The following DPF2 variants were observed in gnomAD, a reference collection of about 807,000 sequenced individuals.
The protein encoded by DPF2 is zinc finger protein ubi-d4.
Under a neutral mutation model 59.6 loss-of-function variants are expected in DPF2, and 10 were observed. That is an observed-to-expected ratio of 0.17 (90% CI 0.10 to 0.28). The LOEUF (loss-of-function observed/expected upper bound fraction) is 0.28, where lower values mean the gene tolerates loss of function less well. Ranked by LOEUF, DPF2 falls within the 10% of genes least tolerant of loss-of-function variation. The probability of loss-of-function intolerance (pLI) is 1.00; values close to 1 mark genes in which losing one functional copy is unlikely to be tolerated. For missense variants in DPF2, 315 were observed against 509.4 expected (o/e 0.62, Z 3.67); for synonymous variants, 189 against 190.6 (o/e 0.99, Z 0.07).
chr11:65,342,985 C>T (rs1206862288), intron 4 of DPF2, among the ~76,000 whole-genome samples: 4 of 132,306 alleles, frequency 3.0e-5, no homozygotes, highest in Non-Finnish European at 6.4e-5. Flanking sequence ...CAGAACGAGA[C>T]TCCATCTCAA....
chr11:65,344,143 G>A (rs928202982), intron 6 of DPF2, 74 bp downstream of exon 6: 1 of 1,501,364 alleles, frequency 6.7e-7, no homozygotes, highest in African/African-American at 1.4e-5. Flanking sequence ...GAGGAGGGAG[G>A]GTTGTGTTTT....
At chr11:65,337,496 T>TAGAGAGAGAGAGAG (rs1475373950) in intron 1 of DPF2, among the ~76,000 whole-genome samples, 1 of 57,220 alleles carries the variant, frequency 1.7e-5, no homozygotes, top group African/African-American at 7.0e-5. Context: ...TATATATATA[T>TAGAGAGAGAGAGAG]ATATATATAG....
At chr11:65,345,342 C>T (rs560211916) in intron 6 of DPF2, 4 of 292,886 alleles carry the variant, frequency 1.4e-5, no homozygotes, top group East Asian at 6.4e-5. Flanking sequence ...TGACCTGGAG[C>T]GTCCCAGACT....
intron 1 of DPF2, among the ~76,000 whole-genome samples, chr11:65,335,330 G>A (rs1339445260): frequency 6.6e-6 from 1 of 152,102 alleles, no homozygotes; most frequent in Non-Finnish European, 1.5e-5. Context: ...ATTGTAAGGG[G>A]ATGTTTTACA....
At chr11:65,334,908 C>G (rs1032018228) in intron 1 of DPF2, among the ~76,000 whole-genome samples, 9 of 152,122 alleles carry the variant, frequency 5.9e-5, no homozygotes, top group Non-Finnish European at 1.0e-4. Flanking sequence ...GGTTCGGTAA[C>G]TCTTCTAAGG....
At chr11:65,336,866 G>A (rs545982523) in intron 1 of DPF2, among the ~76,000 whole-genome samples, 76 of 142,560 alleles carry the variant, frequency 5.3e-4, no homozygotes, top group Middle Eastern at 4.5e-3. Context: ...TGAGGCGGGC[G>A]GATCACAAGG....
intron 6 of DPF2, 129 bp downstream of exon 6, chr11:65,344,198 G>A (rs1244556604): frequency 1.1e-6 from 1 of 932,590 alleles, no homozygotes; most frequent in East Asian, 2.6e-5. Context: ...CCTGCCTGCT[G>A]ACTGCTTCCG....
chr11:65,341,603 A>G, intron 4 of DPF2, 41 bp downstream of exon 4: 1 of 1,608,272 alleles, frequency 6.2e-7, no homozygotes, highest in Middle Eastern at 1.7e-4. Context: ...TTTGATGGAA[A>G]TCAGCCTCCT....
At position 65,341,442 on chromosome 11, in the gene DPF2, T is replaced by C; in HGVS notation, c.345T>C (p.Asp115=). 2 of 1,614,242 alleles carry C rather than the reference T, an allele frequency of 1.2e-6. No individual in the cohort carries two copies. Among genetic ancestry groups the C allele is most frequent in the South Asian group, 2.2e-5 (2 of 91,086 alleles). Residue 115 remains aspartate (D), a synonymous_variant, in exon 4 of 11, where the codon GAT becomes GAC. Coordinates refer to ENST00000528416, the MANE Select transcript of DPF2 (RefSeq NM_006268.5). The part of the protein sequence containing the change: ...TLKKEGLISQ[D]GSSLEALLRT... ...AGAAGGAGGGGCTGATCTCTCAGGATGGCAGTAGTTTAGAGGCTCTGTTGC... is the reference window on the plus strand; with the variant it reads ...AGAAGGAGGGGCTGATCTCTCAGGACGGCAGTAGTTTAGAGGCTCTGTTGC...
At chr11:65,339,143 C>T (rs1322644367) in intron 1 of DPF2, among the ~76,000 whole-genome samples, 5 of 151,964 alleles carry the variant, frequency 3.3e-5, no homozygotes, top group Non-Finnish European at 5.9e-5. Flanking sequence ...TACTGTGACA[C>T]ATGCCTCTAT....
In DPF2 at chr11:65,351,596, A is replaced by G; in HGVS notation, c.1100-87A>G. ...CGTCCTACCTGTAGCTGATCCTGCT[A>G]TAGAGATGGGGTATCAAGAGCAGAG... On this transcript the variant is annotated intron_variant, in intron 10 of 10. Transcript: ENST00000528416. 6.1e-6 allele frequency: 7 copies of G among 1,147,256 alleles called. No homozygotes were observed. In the South Asian group the frequency reaches 7.5e-5, roughly 12 times the overall value. The allele number at this position is 1,147,256 out of a possible 1,614,324, so 71.1% of individuals were successfully genotyped here. A position where few individuals can be genotyped will look rare whatever the true frequency, so the allele number is the denominator to read the frequency against.
In DPF2 at chr11:65,340,508, T is replaced by A; in HGVS notation, c.156T>A (p.Asn52Lys). 6.2e-7 allele frequency: 1 copy of A among 1,614,130 alleles called. No individual in the cohort carries two copies. The highest frequency in any genetic ancestry group is 8.5e-7 in the Non-Finnish European group (1 of 1,180,022). Residue 52 changes from asparagine (N) to lysine (K), a missense_variant, in exon 2 of 11, where the codon AAT (asparagine) becomes AAA (lysine). Asn to Lys is a moderately conservative substitution (Grantham distance 94). Around this residue, in one of 4 missense-constraint regions of DPF2, gnomAD observed 228 missense variants for 275.3 expected, o/e 0.83. Coordinates refer to ENST00000528416, the MANE Select transcript of DPF2 (RefSeq NM_006268.5). ...CACAGACCGGAGTAGCCCAGAGCAA[T>A]TGTTACATCTGGATGGAAAAGCGAC... is the stretch of plus-strand genomic sequence containing the variant. The part of the protein sequence containing the change: ...LDSQTGVAQS[N>K]CYIWMEKRHR...
intron 1 of DPF2, among the ~76,000 whole-genome samples, chr11:65,337,474 A>AAATAT (rs1555029114): frequency 2.2e-5 from 1 of 46,484 alleles, no homozygotes; most frequent in Non-Finnish European, 3.6e-5. Context: ...AAAAAAAAAA[A>AAATAT]ATATATATAT....
chr11:65,350,374 C>CTTTTTTTTTTTTTTTT (rs529951680), intron 10 of DPF2, among the ~76,000 whole-genome samples: 2 of 128,778 alleles, frequency 1.6e-5, no homozygotes, highest in African/African-American at 3.0e-5. Flanking sequence ...TTCTTTCTTT[C>CTTTTTTTTTTTTTTTT]TTTTTTTTTT....
intron 10 of DPF2, among the ~76,000 whole-genome samples, chr11:65,349,667 G>A (rs939305897): frequency 8.5e-5 from 13 of 152,262 alleles, no homozygotes; most frequent in African/African-American, 2.9e-4. Context: ...GTGGTGGCGG[G>A]CGCCTGTAGT....
At chr11:65,337,880 C>T (rs2137686156) in intron 1 of DPF2, among the ~76,000 whole-genome samples, 1 of 152,164 alleles carries the variant, frequency 6.6e-6, no homozygotes, top group South Asian at 2.1e-4. Flanking sequence ...TCTCGGCTCA[C>T]CGCAACCTCC....
intron 4 of DPF2, chr11:65,342,139 A>G (rs1854392950): frequency 6.6e-6 from 1 of 151,980 alleles, no homozygotes; most frequent in Non-Finnish European, 1.5e-5. Flanking sequence ...CAAGAATAGT[A>G]CAATGAAATA....
rs1442973660 is a variant in DPF2, at chr11:65,346,204, C to T, written c.905-43C>T. 7 of 1,605,334 alleles carry T rather than the reference C, an allele frequency of 4.4e-6. No individual in the cohort carries two copies. The Admixed American group carries it at 5.0e-5, about 12-fold the overall frequency. On this transcript the variant is annotated intron_variant, in intron 8 of 10. Coordinates refer to ENST00000528416, the MANE Select transcript of DPF2 (RefSeq NM_006268.5). ...ACAGGCAGGAGCTCCTCTCTTCCCC[C>T]CGCATTTCCGACTGTCTGTCTCACT...
intron 10 of DPF2, among the ~76,000 whole-genome samples, chr11:65,350,651 G>A (rs1854669673): frequency 6.6e-6 from 1 of 150,760 alleles, no homozygotes; most frequent in Non-Finnish European, 1.5e-5. Flanking sequence ...CAAAGTGCTG[G>A]GATTACAGGT....
Sources: gnomAD v4.1 joint callset for allele counts (sites outside exome capture counted in the v4.1 genomes callset) on GRCh38, gnomAD v4.1.1 for gene constraint, gnomAD v4.1.1 regional missense constraint, MANE v1.5 for transcripts, NCBI Gene and HGNC (gene_info 2026-07-23, HGNC 2026-07-21) for gene names.